CGNL1: variants seen among roughly 807,000 people sequenced by gnomAD.
CGNL1 encodes the protein cingulin like 1.
CGNL1 carries 132 observed loss-of-function variants against 141.2 expected under a neutral mutation model. The ratio of observed to expected loss-of-function variants is 0.93; its 90% CI spans 0.81 to 1.08. CGNL1 has a LOEUF of 1.08. Ranked by LOEUF, CGNL1 falls within the 50% of genes least tolerant of loss-of-function variation. The probability of loss-of-function intolerance (pLI) is 0.00; values close to 1 mark genes in which losing one functional copy is unlikely to be tolerated. For missense variants in CGNL1, 1,870 were observed against 1,588.6 expected, an observed-to-expected ratio of 1.18 and a Z score of -3.01; for synonymous variants, 690 against 622.1, an observed-to-expected ratio of 1.11 and a Z score of -1.63.
intron 1 of CGNL1, among the ~76,000 whole-genome samples, chr15:57,415,438 T>A (rs1207523361): frequency 6.6e-6 from 1 of 152,120 alleles, no homozygotes; most frequent in Non-Finnish European, 1.5e-5. Flanking sequence ...GCGTTGAAGA[T>A]GGAGGAAGGG....
chr15:57,522,111 C>T (rs2031299682), intron 10 of CGNL1, among the ~76,000 whole-genome samples: 1 of 152,202 alleles, frequency 6.6e-6, no homozygotes, highest in Admixed American at 6.5e-5. Flanking sequence ...CACACTACTG[C>T]TAATTCCCCC....
chr15:57,392,024 C>T (rs893198505), intron 1 of CGNL1, among the ~76,000 whole-genome samples: 2 of 151,048 alleles, frequency 1.3e-5, no homozygotes, highest in African/African-American at 2.4e-5. Context: ...TTTTTCAGCA[C>T]CATAAGATGG....
intron 1 of CGNL1, among the ~76,000 whole-genome samples, chr15:57,410,097 T>C (rs1195115614): frequency 6.6e-6 from 1 of 152,172 alleles, no homozygotes; most frequent in Non-Finnish European, 1.5e-5. Flanking sequence ...AATCCTGTCT[T>C]AGTTCAGGGG....
chr15:57,514,524 T>C (rs1329818942), intron 8 of CGNL1, among the ~76,000 whole-genome samples: 2 of 152,194 alleles, frequency 1.3e-5, no homozygotes, highest in Non-Finnish European at 1.5e-5. Context: ...TCATTAGATA[T>C]ATGACTTTTA....
intron 1 of CGNL1, among the ~76,000 whole-genome samples, chr15:57,377,379 C>T (rs2062376376): frequency 6.6e-6 from 1 of 152,162 alleles, no homozygotes; most frequent in Non-Finnish European, 1.5e-5. Flanking sequence ...GTGCCTGTGT[C>T]CCACTCCCAG....
intron 8 of CGNL1, among the ~76,000 whole-genome samples, chr15:57,490,662 G>T (rs1385935402): frequency 6.6e-6 from 1 of 152,158 alleles, no homozygotes; most frequent in Non-Finnish European, 1.5e-5. Flanking sequence ...CCTTCAAGTA[G>T]GTAGGGGCTC....
In CGNL1 at chr15:57,439,686, G is replaced by T. The variant is rs1001979765; in HGVS notation, c.1602+85G>T. The T allele has an allele frequency of 1.7e-5, 22 of 1,276,628 alleles. 1 individual carries two copies. The South Asian group carries it at 2.8e-4, about 16-fold the overall frequency. 79.1% of individuals were successfully genotyped at this position (1,276,628 alleles called of 1,614,324 possible). ...TGTACTTATGCTGCAGGAGGCCATAGGAATTACACATCCTCAATCTTGTAT... is the reference window on the plus strand; with the variant it reads ...TGTACTTATGCTGCAGGAGGCCATATGAATTACACATCCTCAATCTTGTAT... On this transcript the variant is annotated intron_variant, in intron 2 of 18. Coordinates refer to ENST00000281282, the MANE Select transcript of CGNL1 (RefSeq NM_032866.5).
At chr15:57,445,386 C>T (rs1278077915) in intron 4 of CGNL1, among the ~76,000 whole-genome samples, 2 of 152,190 alleles carry the variant, frequency 1.3e-5, no homozygotes, top group Non-Finnish European at 2.9e-5. Context: ...ACTCCTCTTC[C>T]CTCCCTCTTA....
At chr15:57,425,740 C>CAAAAA (rs35847617) in intron 1 of CGNL1, among the ~76,000 whole-genome samples, 4 of 114,172 alleles carry the variant, frequency 3.5e-5, no homozygotes, top group Middle Eastern at 4.6e-3. Context: ...GAGCCTGTCT[C>CAAAAA]AAAAAAAAAA....
chr15:57,452,238 T>C lies in CGNL1; in HGVS notation c.2003T>C (p.Leu668Ser), dbSNP rs913405010. 1.2e-6 allele frequency: 2 copies of C among 1,613,994 alleles called. No individual in the cohort carries two copies. Among genetic ancestry groups the C allele is most frequent in the South Asian group, 2.2e-5 (2 of 91,058 alleles). Reference protein sequence around the residue: ...HNEKVEENSTLQQRLEESEGE... With the variant: ...HNEKVEENSTSQQRLEESEGE... The stretch of plus-strand genomic sequence containing the variant: ...GAAAAGGTGGAGGAGAACTCCACAT[T>C]GCAGCAACGACTGGAAGAAAGTGAA... Residue 668 changes from leucine to serine, a missense_variant, in exon 6 of 19, where the codon TTG becomes TCG. By Grantham distance (145) the Leu-to-Ser change is moderately radical. Coordinates refer to ENST00000281282, the MANE Select transcript of CGNL1 (RefSeq NM_032866.5).
intron 11 of CGNL1, among the ~76,000 whole-genome samples, chr15:57,524,076 G>A (rs1245512677): frequency 1.3e-5 from 2 of 152,206 alleles, no homozygotes; most frequent in Admixed American, 1.3e-4. Flanking sequence ...AAGGCACAAA[G>A]CTGGCAGGCT....
chr15:57,506,492 A>G (rs547486826), intron 8 of CGNL1, among the ~76,000 whole-genome samples: 3 of 152,314 alleles, frequency 2.0e-5, no homozygotes, highest in South Asian at 2.1e-4. Context: ...CAAAGGCACA[A>G]TGGAAGGCCT....
At chr15:57,499,912 G>T (rs376326707) in intron 8 of CGNL1, among the ~76,000 whole-genome samples, 1 of 152,208 alleles carries the variant, frequency 6.6e-6, no homozygotes, top group Non-Finnish European at 1.5e-5. Flanking sequence ...TGGAGGCCAG[G>T]CTGAGGGGAG....
intron 1 of CGNL1, among the ~76,000 whole-genome samples, chr15:57,396,400 A>C (rs2062603180): frequency 6.6e-6 from 1 of 151,706 alleles, no homozygotes; most frequent in African/African-American, 2.4e-5. Flanking sequence ...CAGCCTCCCA[A>C]GTAGCTGGGG....
chr15:57,400,769 G>A (rs2062651530), intron 1 of CGNL1, among the ~76,000 whole-genome samples: 1 of 151,420 alleles, frequency 6.6e-6, no homozygotes, highest in East Asian at 2.0e-4. Flanking sequence ...TGTAATCCCA[G>A]TTACTTGGGA....
chr15:57,525,970 G>C (rs1369015021), intron 12 of CGNL1, among the ~76,000 whole-genome samples: 1 of 152,080 alleles, frequency 6.6e-6, no homozygotes, highest in Admixed American at 6.5e-5. Context: ...CAAGCACCTG[G>C]TCTGATTTGA....
intron 12 of CGNL1, among the ~76,000 whole-genome samples, chr15:57,525,634 G>A (rs560262343): frequency 7.2e-5 from 11 of 152,060 alleles, no homozygotes; most frequent in South Asian, 4.2e-4. Context: ...GAACAGTGCC[G>A]AGAGCACCAA....
intron 4 of CGNL1, among the ~76,000 whole-genome samples, chr15:57,445,598 G>T (rs1266453157): frequency 1.3e-5 from 2 of 152,150 alleles, no homozygotes; most frequent in Non-Finnish European, 2.9e-5. Context: ...TTTCTAAAAT[G>T]GATTGTTATT....
intron 12 of CGNL1, 46 bp downstream of exon 12, chr15:57,524,797 T>A: frequency 6.3e-7 from 1 of 1,584,574 alleles, no homozygotes; most frequent in Non-Finnish European, 8.6e-7. Flanking sequence ...TTATTCAAAG[T>A]ATCCTTTGCC....
Sources: allele counts gnomAD v4.1 joint callset (sites outside exome capture counted in the v4.1 genomes callset), GRCh38; gene constraint gnomAD v4.1.1; transcripts MANE v1.5; gene names NCBI Gene and HGNC (gene_info 2026-07-23, HGNC 2026-07-21).